The following ANKS1A variants were observed in gnomAD, a reference collection of about 807,000 sequenced individuals.
ANKS1A encodes the protein ankyrin repeat and sterile alpha motif domain containing 1A, also known as ankyrin repeat and SAM domain-containing protein 1A.
ANKS1A carries 55 observed loss-of-function variants against 120.3 expected under a neutral mutation model. The observed-to-expected ratio is 0.46, with a 90% CI of 0.37 to 0.57. The LOEUF is 0.57. Among genes scored for constraint, ANKS1A ranks in the 20% least tolerant of loss-of-function variants. The pLI is 0.00. For synonymous variants in ANKS1A, 590 were observed against 604.7 expected (o/e 0.98, Z 0.36); for missense variants, 1,123 against 1,480.3 (o/e 0.76, Z 3.96).
chr6:35,036,460 GT>G (rs1775175222), intron 11 of ANKS1A, among the ~76,000 whole-genome samples: 1 of 152,236 alleles, frequency 6.6e-6, no homozygotes, highest in Non-Finnish European at 1.5e-5. Flanking sequence ...CCTACTCAGA[GT>G]CTCACGAGAC....
rs151313348 is a variant in ANKS1A at position 35,005,046 on chromosome 6, T to G, written c.1423+10624T>G. Among the ~76,000 whole-genome samples, 308 of 152,344 alleles carry G rather than the reference T, an allele frequency of 2.0e-3. 1 individual carries two copies. The highest frequency in any genetic ancestry group is 7.0e-3 in the African/African-American group (292 of 41,590). ...TATCCCATAACTCATTTTTTCCTTC[T>G]CCAGGATTTCTGTTATAAATTATGC... On this transcript the variant is annotated intron_variant, in intron 10 of 23. Transcript: ENST00000360359.
rs148088042 is a variant in ANKS1A at position 35,018,650 on chromosome 6, G to A, written c.2010+591G>A. ...GATTGATCTCATCACCCAGGTAGTA[G>A]ACATAGTACCCAATAGTTAGTTTTT... On this transcript the variant is annotated intron_variant, in intron 11 of 23. Transcript: ENST00000360359. Among the ~76,000 whole-genome samples, 355 of 152,180 alleles carry A rather than the reference G, an allele frequency of 2.3e-3. 1 individual carries two copies. Among genetic ancestry groups the A allele is most frequent in the South Asian group, 5.4e-3 (26 of 4,820 alleles).
At chr6:34,891,621 G>C (rs1226305575) in intron 1 of ANKS1A, among the ~76,000 whole-genome samples, 2 of 152,110 alleles carry the variant, frequency 1.3e-5, no homozygotes, top group African/African-American at 2.4e-5. Flanking sequence ...CTCAAACACA[G>C]GTCAAATTAT....
chr6:35,090,329 T>C lies in ANKS1A; in HGVS notation c.*1720T>C. 2 of 1,283,784 alleles carry C rather than the reference T, an allele frequency of 1.6e-6. No individual in the cohort carries two copies. Among genetic ancestry groups the C allele is most frequent in the Non-Finnish European group, 1.0e-6 (1 of 984,508 alleles). The allele number at this position is 1,283,784 out of a possible 1,614,324, so 79.5% of individuals were successfully genotyped here. On this transcript the variant is annotated 3_prime_UTR_variant, in exon 24 of 24. Transcript: ENST00000360359. Reference sequence around the variant, plus strand: ...CTAAAGCATCCAGAGTAGACTGCGCTGCCACTGCGCACATGCTGGTGCCCG... The same window carrying C: ...CTAAAGCATCCAGAGTAGACTGCGCCGCCACTGCGCACATGCTGGTGCCCG...
At chr6:34,934,518 A>C (rs1301964380) in intron 1 of ANKS1A, among the ~76,000 whole-genome samples, 1 of 152,156 alleles carries the variant, frequency 6.6e-6, no homozygotes, top group Non-Finnish European at 1.5e-5. Flanking sequence ...GCTTGCCAAG[A>C]GCTTGGTTAG....
rs762189409 is a variant in ANKS1A at position 35,085,416 on chromosome 6, C to T, written c.3133-350C>T. Among the ~76,000 whole-genome samples the T allele has an allele frequency of 6.6e-6, 1 of 152,140 alleles. No homozygotes were observed. The highest frequency in any genetic ancestry group is 1.5e-5 in the Non-Finnish European group (1 of 68,040). On this transcript the variant is annotated intron_variant, in intron 21 of 23. Transcript: ENST00000360359. This position sits in a 1 kb window ranked among gnomAD's most constrained non-coding sequence, Gnocchi z 4.7. ...GGGGCACAGCACTCACAGACTTTGTCGGTGACACATTAAAAATAAAAGCAC... is the reference window on the plus strand; with the variant it reads ...GGGGCACAGCACTCACAGACTTTGTTGGTGACACATTAAAAATAAAAGCAC...
intron 1 of ANKS1A, among the ~76,000 whole-genome samples, chr6:34,891,954 A>T (rs1338039906): frequency 1.3e-5 from 2 of 152,162 alleles, no homozygotes; most frequent in African/African-American, 4.8e-5. Flanking sequence ...TAGTGCGCTC[A>T]CTCGGAGACT....
chr6:34,935,003 T>C (rs1323739620), intron 1 of ANKS1A, among the ~76,000 whole-genome samples: 1 of 152,270 alleles, frequency 6.6e-6, no homozygotes, highest in Non-Finnish European at 1.5e-5. Context: ...TACTCTAATG[T>C]AAGAAAATCA....
At chr6:34,929,415 C>T (rs1446161003) in intron 1 of ANKS1A, among the ~76,000 whole-genome samples, 1 of 152,192 alleles carries the variant, frequency 6.6e-6, no homozygotes, top group Non-Finnish European at 1.5e-5. Context: ...AAGCTCCCAT[C>T]ATTCTCGATC....
intron 10 of ANKS1A, among the ~76,000 whole-genome samples, chr6:35,011,307 T>G (rs2127553376): frequency 6.6e-6 from 1 of 152,280 alleles, no homozygotes; most frequent in South Asian, 2.1e-4. Context: ...CTACAAGAAC[T>G]GGCAGAAGAT....
chr6:34,969,888 G>A (rs1581568896), intron 2 of ANKS1A, 122 bp from the exon 3 acceptor site: 1 of 1,180,670 alleles, frequency 8.5e-7, no homozygotes, highest in East Asian at 2.4e-5. Flanking sequence ...GTGAGCTCAG[G>A]TAGAGACACA....
At chr6:34,975,761 A>AAT (rs1771540680) in intron 3 of ANKS1A, among the ~76,000 whole-genome samples, 3 of 151,894 alleles carry the variant, frequency 2.0e-5, no homozygotes, top group Admixed American at 6.6e-5. Flanking sequence ...CTCAAAAAAA[A>AAT]AATAATAATA....
intron 12 of ANKS1A, among the ~76,000 whole-genome samples, chr6:35,056,433 C>G (rs1352086862): frequency 1.3e-5 from 2 of 152,246 alleles, no homozygotes; most frequent in Admixed American, 6.5e-5. Flanking sequence ...GGACTACAGG[C>G]GCCCGCCACC....
the ANKS1A span, among the ~76,000 whole-genome samples, chr6:35,097,637 GAAAAAAAA>G: frequency 2.3e-4 from 21 of 89,768 alleles, no homozygotes; most frequent in Non-Finnish European, 1.1e-4. Context: ...AAAGCCAAAA[GAAAAAAAA>G]AAAAAAAAAA....
At chr6:34,975,198 A>G (rs1771494582) in intron 3 of ANKS1A, among the ~76,000 whole-genome samples, 3 of 152,104 alleles carry the variant, frequency 2.0e-5, no homozygotes, top group African/African-American at 7.3e-5. Context: ...TTACAGGCAT[A>G]ATCCCAGCAC....
chr6:35,089,898 A>C lies in ANKS1A; in HGVS notation c.*1289A>C, dbSNP rs1343114090. 8.8e-7 allele frequency: 1 copy of C among 1,133,432 alleles called. No individual in the cohort carries two copies. Among genetic ancestry groups the C allele is most frequent in the Admixed American group, 4.0e-5 (1 of 24,728 alleles). 70.2% of individuals were successfully genotyped at this position (1,133,432 alleles called of 1,614,324 possible). A position where few individuals can be genotyped will look rare whatever the true frequency, so the allele number is the denominator to read the frequency against. Reference sequence around the variant, plus strand: ...CGAGCTTTCCTGGCATAGGTCAATCAGGTCCCAGGATGAATAATCCAGGCT... The same window carrying C: ...CGAGCTTTCCTGGCATAGGTCAATCCGGTCCCAGGATGAATAATCCAGGCT... On this transcript the variant is annotated 3_prime_UTR_variant, in exon 24 of 24. Transcript: ENST00000360359.
intron 1 of ANKS1A, among the ~76,000 whole-genome samples, chr6:34,946,205 T>C (rs1413718313): frequency 1.3e-5 from 2 of 151,838 alleles, no homozygotes; most frequent in African/African-American, 4.8e-5. Flanking sequence ...GGTCTTGAAC[T>C]CCTGACCTCA....
At position 35,065,213 on chromosome 6, in the gene ANKS1A, C is replaced by G. The variant is rs556742701; in HGVS notation, c.2184+4960C>G. ...TCCAGCGAGTGCACCTCTTGCCCCCCCTCCCTTTCACTGCCTGACTGCAGC... is the reference window on the plus strand; with the variant it reads ...TCCAGCGAGTGCACCTCTTGCCCCCGCTCCCTTTCACTGCCTGACTGCAGC... On this transcript the variant is annotated intron_variant, in intron 13 of 23. Transcript: ENST00000360359. Among the ~76,000 whole-genome samples, 17 of 136,392 alleles carry G rather than the reference C, an allele frequency of 1.2e-4. No homozygotes were observed. The East Asian group carries it at 4.4e-3, about 35-fold the overall frequency. The allele number at this position is 136,392 out of a possible 152,430, so 89.5% of individuals were successfully genotyped here.
rs770666652 is a variant in ANKS1A, at chr6:34,994,365, G to T, written c.1366G>T (p.Glu456Ter). The T allele has an allele frequency of 1.2e-6, 2 of 1,613,686 alleles. No homozygotes were observed. Among genetic ancestry groups the T allele is most frequent in the South Asian group, 1.1e-5 (1 of 91,040 alleles). Residue 456 changes from glutamate (E) to a stop codon, truncating the protein, a stop_gained, in exon 10 of 24, where the codon GAA becomes TAA. Coordinates refer to ENST00000360359, the MANE Select transcript of ANKS1A (RefSeq NM_015245.3). LOFTEE classifies it high-confidence loss of function. Reference sequence around the variant, plus strand: ...CCGGGAAGAAGACGAACACCCTTATGAACTGTTGTTAACAGCAGAGACAAA... The same window carrying T: ...CCGGGAAGAAGACGAACACCCTTATTAACTGTTGTTAACAGCAGAGACAAA... ...AAREEDEHPY[E>*]LLLTAETKKV...
Sources: allele counts gnomAD v4.1 joint callset (sites outside exome capture counted in the v4.1 genomes callset), GRCh38; gene constraint gnomAD v4.1.1; non-coding constraint Gnocchi (gnomAD v3.1); transcripts MANE v1.5; gene names NCBI Gene and HGNC (gene_info 2026-07-23, HGNC 2026-07-21).